Variants in CUX1 observed in about 807,000 individuals in gnomAD.
CUX1 encodes cut like homeobox 1, also known as protein CASP.
A neutral mutation model predicts 158.8 loss-of-function variants in CUX1; 31 were observed. That is an observed-to-expected ratio of 0.20 (90% confidence interval 0.15 to 0.26). The LOEUF is 0.26. Ranked by LOEUF, CUX1 falls within the 10% of genes least tolerant of loss-of-function variation. The probability of loss-of-function intolerance (pLI) is 1.00; values close to 1 mark genes in which losing one functional copy is unlikely to be tolerated. For synonymous variants in CUX1, 879 were observed against 862.1 expected (o/e 1.02, Z -0.34); for missense variants, 1,589 against 2,014.6 (o/e 0.79, Z 4.04).
In CUX1 at chr7:102,256,427, C is replaced by T. The variant is rs1789901843; in HGVS notation, c.*7385C>T. The T allele has an allele frequency of 2.0e-6, 2 of 985,128 alleles. No homozygotes were observed. The highest frequency in any genetic ancestry group is 9.4e-5 in the South Asian group (2 of 21,296). 61.0% of individuals were successfully genotyped at this position (985,128 alleles called of 1,614,324 possible). ...TGTTGTCATAAATGCTTTTTGCTGT[C>T]ACTCTAGTGGTTACTATCCTCTGCC... On this transcript the variant is annotated 3_prime_UTR_variant, in exon 24 of 24. Coordinates refer to ENST00000292535, the MANE Select transcript of CUX1 (RefSeq NM_181552.4).
chr7:101,876,345 A>C (rs949725191), intron 1 of CUX1, among the ~76,000 whole-genome samples: 1 of 151,130 alleles, frequency 6.6e-6, no homozygotes, highest in Non-Finnish European at 1.5e-5. Context: ...AAAAAAACAA[A>C]AAAAAAACCT....
At chr7:102,267,567 C>T (rs1421519275) in intron 14 of CUX1, among the ~76,000 whole-genome samples, 1 of 152,044 alleles carries the variant, frequency 6.6e-6, no homozygotes, top group African/African-American at 2.4e-5. Context: ...AGGGGCCCCT[C>T]GCGCCTTCAG....
At position 102,108,581 on chromosome 7, in the gene CUX1, G is replaced by A. The variant is rs1320334823; in HGVS notation, c.531-3117G>A. On this transcript the variant is annotated intron_variant, in intron 6 of 23. Coordinates refer to ENST00000292535, the MANE Select transcript of CUX1 (RefSeq NM_181552.4). ...TCAAACTCCTGACTTCAGGTTATCT[G>A]CCCGCCTCACCTCCTGATGTGCTAG... Among the ~76,000 whole-genome samples, 5 of 152,216 alleles carry A rather than the reference G, an allele frequency of 3.3e-5. No individual in the cohort carries two copies. In the East Asian group the frequency reaches 9.6e-4, roughly 29 times the overall value.
intron 2 of CUX1, among the ~76,000 whole-genome samples, chr7:101,956,138 CAAAAAAAAAAAAAAA>C (rs11462111): frequency 6.2e-5 from 4 of 64,980 alleles, no homozygotes. Flanking sequence ...GCCCACGTCT[CAAAAAAAAAAAAAAA>C]AAAAAAAAAA....
chr7:101,994,007 ATC>A (rs1563104208), intron 2 of CUX1, among the ~76,000 whole-genome samples: 2 of 152,158 alleles, frequency 1.3e-5, no homozygotes, highest in African/African-American at 2.4e-5. Flanking sequence ...CCCAGAGCCC[ATC>A]TGTCTCCACA....
At chr7:101,875,659 A>G (rs1243241514) in intron 1 of CUX1, among the ~76,000 whole-genome samples, 5 of 152,170 alleles carry the variant, frequency 3.3e-5, no homozygotes, top group African/African-American at 9.6e-5. Context: ...AATACCAGTC[A>G]GGACCTGAGA....
intron 8 of CUX1, among the ~76,000 whole-genome samples, chr7:102,117,396 G>A (rs1471411052): frequency 2.8e-4 from 4 of 14,048 alleles, no homozygotes; most frequent in South Asian, 1.9e-3. Flanking sequence ...AGACTCCATC[G>A]CAAAAAAAAA....
intron 5 of CUX1, among the ~76,000 whole-genome samples, chr7:102,100,617 G>T (rs536911550): frequency 6.6e-6 from 1 of 152,238 alleles, no homozygotes; most frequent in South Asian, 2.1e-4. Context: ...ATTTGGGAAG[G>T]TGGGCGGTGC....
In CUX1 at chr7:101,916,818, C is replaced by T. The variant is rs755871240; in HGVS notation, c.141+593C>T. 1.3e-4 allele frequency among the ~76,000 whole-genome samples: 19 copies of T among 151,958 alleles called. No individual in the cohort carries two copies. Among genetic ancestry groups the T allele is most frequent in the Non-Finnish European group, 2.1e-4 (14 of 67,988 alleles). On this transcript the variant is annotated intron_variant, in intron 2 of 23. Transcript: ENST00000292535. This position sits in a 1 kb window ranked among gnomAD's most constrained non-coding sequence, Gnocchi z 4.4. ...GTTTTTTCTCTCGTGAGTGTGCAATCGGGGGACAGTGTTGAGTTGCTGGGG... is the reference window on the plus strand; with the variant it reads ...GTTTTTTCTCTCGTGAGTGTGCAATTGGGGGACAGTGTTGAGTTGCTGGGG...
intron 3 of CUX1, among the ~76,000 whole-genome samples, chr7:102,062,660 C>T (rs1328601980): frequency 1.3e-5 from 2 of 152,120 alleles, no homozygotes; most frequent in Non-Finnish European, 2.9e-5. Flanking sequence ...ACCACACCCA[C>T]CCAGCCAATT....
intron 1 of CUX1, among the ~76,000 whole-genome samples, chr7:101,892,967 A>G (rs1584902639): frequency 6.6e-6 from 1 of 152,076 alleles, no homozygotes; most frequent in African/African-American, 2.4e-5. Flanking sequence ...CATGTTTGCT[A>G]GTTTCTCTTG....
At chr7:101,974,637 A>G (rs1812415751) in intron 2 of CUX1, among the ~76,000 whole-genome samples, 1 of 152,192 alleles carries the variant, frequency 6.6e-6, no homozygotes, top group Non-Finnish European at 1.5e-5. Context: ...AGAGAGTATC[A>G]TTCACTCCAA....
chr7:101,870,886 A>G (rs2131452406), intron 1 of CUX1, among the ~76,000 whole-genome samples: 1 of 152,364 alleles, frequency 6.6e-6, no homozygotes, highest in East Asian at 1.9e-4. Flanking sequence ...AAGTCTGTAA[A>G]TAAATAGTAA....
At chr7:101,825,073 G>A (rs1391301830) in intron 1 of CUX1, among the ~76,000 whole-genome samples, 1 of 152,190 alleles carries the variant, frequency 6.6e-6, no homozygotes, top group Non-Finnish European at 1.5e-5. Context: ...TGTCCTCGCC[G>A]AGAGCGTAGT....
chr7:102,047,321 G>GGATA (rs1822928942), intron 3 of CUX1, among the ~76,000 whole-genome samples: 1 of 152,018 alleles, frequency 6.6e-6, no homozygotes, highest in South Asian at 2.1e-4. Context: ...AAATGGGAAT[G>GGATA]GATAGATGGT....
At chr7:102,026,617 T>A (rs1269831119) in intron 2 of CUX1, among the ~76,000 whole-genome samples, 2 of 151,236 alleles carry the variant, frequency 1.3e-5, no homozygotes, top group Non-Finnish European at 3.0e-5. Flanking sequence ...GTCAGGAGTT[T>A]GAGAACAGCC....
chr7:101,825,211 A>G (rs1400640953), intron 1 of CUX1, among the ~76,000 whole-genome samples: 1 of 152,250 alleles, frequency 6.6e-6, no homozygotes, highest in African/African-American at 2.4e-5. Flanking sequence ...CTATTCACAC[A>G]GTAGAGATGT....
chr7:101,885,924 C>T (rs1186251880), intron 1 of CUX1, among the ~76,000 whole-genome samples: 7 of 152,168 alleles, frequency 4.6e-5, no homozygotes, highest in Admixed American at 2.0e-4. Context: ...CTATTTTCAC[C>T]GCCGTTTATA....
chr7:101,886,258 A>G (rs953099945), intron 1 of CUX1, among the ~76,000 whole-genome samples: 1 of 151,966 alleles, frequency 6.6e-6, no homozygotes, highest in Non-Finnish European at 1.5e-5. Flanking sequence ...CAGTGGCACA[A>G]TCTCACCTCA....
Sources: allele counts gnomAD v4.1 joint callset (sites outside exome capture counted in the v4.1 genomes callset), GRCh38; gene constraint gnomAD v4.1.1; non-coding constraint Gnocchi (gnomAD v3.1); transcripts MANE v1.5; gene names NCBI Gene and HGNC (gene_info 2026-07-23, HGNC 2026-07-21).